The following ATXN1 variants were observed in gnomAD, a reference collection of about 807,000 sequenced individuals.
The protein encoded by ATXN1 is ataxin-1.
ATXN1 carries 8 observed loss-of-function variants against 56.4 expected under a neutral mutation model. The observed-to-expected ratio is 0.14, with a 90% CI of 0.08 to 0.26. ATXN1 has a LOEUF of 0.26. Ranked by LOEUF, ATXN1 falls within the 10% of genes least tolerant of loss-of-function variation. The pLI is 1.00. For synonymous variants in ATXN1, 514 were observed against 494.6 expected (o/e 1.04, Z -0.52); for missense variants, 987 against 1,106.5 (o/e 0.89, Z 1.53).
chr6:16,754,195 C>A (rs1387292252), intron 1 of ATXN1: 1 of 152,112 alleles, frequency 6.6e-6, no homozygotes, highest in Non-Finnish European at 1.5e-5. Context: ...TACCAATTAT[C>A]CACATTAAAC....
intron 5 of ATXN1, among the ~76,000 whole-genome samples, chr6:16,520,650 C>T (rs796716051): frequency 6.6e-6 from 1 of 152,228 alleles, no homozygotes; most frequent in East Asian, 1.9e-4. Flanking sequence ...GAGACCTTTA[C>T]AGTCCCCAGA....
chr6:16,423,316 T>G (rs1204454391), intron 6 of ATXN1, among the ~76,000 whole-genome samples: 2 of 152,204 alleles, frequency 1.3e-5, no homozygotes, highest in African/African-American at 4.8e-5. Flanking sequence ...TTCCAGTCAC[T>G]CCTCTTTACA....
intron 5 of ATXN1, among the ~76,000 whole-genome samples, chr6:16,520,963 C>T (rs1214249823): frequency 6.6e-6 from 1 of 152,166 alleles, no homozygotes; most frequent in Non-Finnish European, 1.5e-5. Flanking sequence ...GGGAAGAAGA[C>T]AAAGTGATTA....
intron 2 of ATXN1, among the ~76,000 whole-genome samples, chr6:16,720,990 C>G (rs1357226252): frequency 1.3e-5 from 2 of 152,208 alleles, no homozygotes; most frequent in Admixed American, 6.5e-5. Context: ...TGCAAACTGT[C>G]AAGACTTGTG....
intron 6 of ATXN1, among the ~76,000 whole-genome samples, chr6:16,352,372 T>C (rs544737326): frequency 5.3e-5 from 8 of 152,330 alleles, no homozygotes; most frequent in African/African-American, 1.9e-4. Flanking sequence ...CAGCCAGGCA[T>C]GAGTAATGCC....
intron 5 of ATXN1, among the ~76,000 whole-genome samples, chr6:16,514,770 T>C (rs1453589825): frequency 6.6e-6 from 1 of 151,728 alleles, no homozygotes; most frequent in Non-Finnish European, 1.5e-5. Flanking sequence ...GATCACGAGG[T>C]CAAGAGATCG....
At chr6:16,587,790 G>A (rs899952635) in intron 3 of ATXN1, among the ~76,000 whole-genome samples, 2 of 151,954 alleles carry the variant, frequency 1.3e-5, no homozygotes, top group African/African-American at 4.8e-5. Context: ...AACTAGCCAG[G>A]CATGGTGGTG....
At chr6:16,655,953 G>T (rs1758192366) in intron 3 of ATXN1, among the ~76,000 whole-genome samples, 1 of 151,838 alleles carries the variant, frequency 6.6e-6, no homozygotes, top group Non-Finnish European at 1.5e-5. Context: ...AGCTGGGCAT[G>T]GTGGCACGCA....
At chr6:16,676,552 G>C (rs768741906) in intron 2 of ATXN1, among the ~76,000 whole-genome samples, 2 of 152,086 alleles carry the variant, frequency 1.3e-5, no homozygotes, top group Non-Finnish European at 2.9e-5. Context: ...AGTAAAATAT[G>C]GTCCTTGCAC....
At chr6:16,450,516 T>C (rs1435003040) in intron 6 of ATXN1, among the ~76,000 whole-genome samples, 1 of 152,196 alleles carries the variant, frequency 6.6e-6, no homozygotes, top group South Asian at 2.1e-4. Flanking sequence ...GGCAGGGGCT[T>C]ATTACTCAGA....
chr6:16,538,515 T>C (rs1292164299), intron 4 of ATXN1, among the ~76,000 whole-genome samples: 1 of 152,238 alleles, frequency 6.6e-6, no homozygotes, highest in African/African-American at 2.4e-5. Flanking sequence ...ATGTGCCAGG[T>C]TGGCGTGCTG....
intron 3 of ATXN1, among the ~76,000 whole-genome samples, chr6:16,628,429 A>T (rs1411551934): frequency 1.3e-5 from 2 of 152,148 alleles, no homozygotes; most frequent in African/African-American, 4.8e-5. Context: ...TCACACACAA[A>T]CAAATGCATT....
At chr6:16,759,899 G>C (rs1024366662) in intron 1 of ATXN1, among the ~76,000 whole-genome samples, 1 of 152,112 alleles carries the variant, frequency 6.6e-6, no homozygotes, top group Non-Finnish European at 1.5e-5. Flanking sequence ...GGCTGAAGAG[G>C]GGTCGGGGCG....
rs1344980073 is a variant in ATXN1, at chr6:16,761,437, C to A, written c.-869G>T. ...CCCCTGCAGTGAAACAGGTCCTGTACGGCTCCGCCACTGTAGTAGAAATGA... is the reference window on the plus strand; with the variant it reads ...CCCCTGCAGTGAAACAGGTCCTGTAAGGCTCCGCCACTGTAGTAGAAATGA... On this transcript the variant is annotated 5_prime_UTR_variant, in exon 1 of 8. Transcript: ENST00000436367. 1 of 456,802 alleles carries A rather than the reference C, an allele frequency of 2.2e-6. No individual in the cohort carries two copies. The highest frequency in any genetic ancestry group is 2.3e-5 in the Admixed American group (1 of 42,554). The allele number at this position is 456,802 out of a possible 1,614,324, so 28.3% of individuals were successfully genotyped here.
chr6:16,381,764 A>G (rs1758130289), intron 6 of ATXN1, among the ~76,000 whole-genome samples: 2 of 152,330 alleles, frequency 1.3e-5, no homozygotes, highest in African/African-American at 4.8e-5. Flanking sequence ...CAGTCAGGTT[A>G]TCCACAGTGA....
chr6:16,571,230 T>C lies in ATXN1; in HGVS notation c.-361+14550A>G, dbSNP rs144638703. Among the ~76,000 whole-genome samples the C allele has an allele frequency of 6.8e-3, 1,032 of 152,156 alleles. 6 individuals carry two copies. The highest frequency in any genetic ancestry group is 0.01 in the Non-Finnish European group (695 of 68,038). ...GAATGAAGGTGACCTGGCTGGTATA[T>C]ATGGGTCTGTGGAAAGACAAAGTAT... is the stretch of plus-strand genomic sequence containing the variant. On this transcript the variant is annotated intron_variant, in intron 4 of 7. Transcript: ENST00000436367.
chr6:16,339,185 C>G (rs1761189233), intron 6 of ATXN1, among the ~76,000 whole-genome samples: 1 of 152,182 alleles, frequency 6.6e-6, no homozygotes, highest in African/African-American at 2.4e-5. Flanking sequence ...AAAGCGCCAG[C>G]AACTGCTCCA....
At chr6:16,319,320 C>T (rs1004215227) in intron 7 of ATXN1, among the ~76,000 whole-genome samples, 5 of 152,120 alleles carry the variant, frequency 3.3e-5, no homozygotes, top group African/African-American at 7.2e-5. Flanking sequence ...AAATGCATAT[C>T]GCTAAGTGAG....
chr6:16,730,725 T>C (rs1216494591), intron 2 of ATXN1, among the ~76,000 whole-genome samples: 1 of 152,114 alleles, frequency 6.6e-6, no homozygotes, highest in African/African-American at 2.4e-5. Context: ...CTCCTTTCGT[T>C]GTGAACTTCA....
Sources: allele counts gnomAD v4.1 joint callset (sites outside exome capture counted in the v4.1 genomes callset), GRCh38; gene constraint gnomAD v4.1.1; transcripts MANE v1.5; gene names NCBI Gene and HGNC (gene_info 2026-07-23, HGNC 2026-07-21).